The following NRXN3 variants were observed in gnomAD, a reference collection of about 807,000 sequenced individuals.
The protein encoded by NRXN3 is neurexin 3, also known as neurexin III.
Under a neutral mutation model 137.6 loss-of-function variants are expected in NRXN3, and 32 were observed. The ratio of observed to expected loss-of-function variants is 0.23; its 90% CI spans 0.18 to 0.31. The LOEUF is 0.31. NRXN3 is among the 10% of genes least tolerant of loss of function. The pLI, the probability that NRXN3 is intolerant of heterozygous loss-of-function variation, is 1.00. For missense variants in NRXN3, 1,574 were observed against 2,062.5 expected (o/e 0.76, Z 4.59); for synonymous variants, 798 against 784.5 (o/e 1.02, Z -0.29).
At chr14:79,082,369 A>G (rs2047205473) in intron 15 of NRXN3, among the ~76,000 whole-genome samples, 2 of 144,318 alleles carry the variant, frequency 1.4e-5, no homozygotes, top group Non-Finnish European at 3.0e-5. Flanking sequence ...GCATTTGCCA[A>G]ACTCCTGTGT....
chr14:79,517,580 A>C (rs1296755360), intron 16 of NRXN3, among the ~76,000 whole-genome samples: 1 of 152,112 alleles, frequency 6.6e-6, no homozygotes, highest in Non-Finnish European at 1.5e-5. Flanking sequence ...TTCTCTTAGC[A>C]CTACCATGTT....
At chr14:78,380,790 G>GTTTT (rs55664650) in intron 4 of NRXN3, among the ~76,000 whole-genome samples, 3 of 145,608 alleles carry the variant, frequency 2.1e-5, no homozygotes, top group South Asian at 4.4e-4. Flanking sequence ...ATCTTATCAA[G>GTTTT]TTTTTTTTTT....
intron 4 of NRXN3, among the ~76,000 whole-genome samples, chr14:78,488,786 GGGA>G (rs2095611775): frequency 6.6e-6 from 1 of 150,516 alleles, no homozygotes; most frequent in Non-Finnish European, 1.5e-5. Context: ...AAAGGGGAGG[GGGA>G]GGAGAAGGGA....
At chr14:79,640,230 G>A (rs1463411586) in intron 16 of NRXN3, among the ~76,000 whole-genome samples, 1 of 135,484 alleles carries the variant, frequency 7.4e-6, no homozygotes, top group African/African-American at 2.5e-5. Flanking sequence ...TGCTTTCAGT[G>A]ATAGCTTAGG....
intron 15 of NRXN3, among the ~76,000 whole-genome samples, chr14:79,337,762 C>T (rs1333899898): frequency 6.6e-6 from 1 of 152,136 alleles, no homozygotes; most frequent in Non-Finnish European, 1.5e-5. Context: ...ACTAGAGGAC[C>T]AAGCACTGTC....
At chr14:79,454,213 A>C (rs1472057073) in intron 15 of NRXN3, among the ~76,000 whole-genome samples, 5 of 152,010 alleles carry the variant, frequency 3.3e-5, no homozygotes, top group Non-Finnish European at 7.4e-5. Context: ...CCTTCCAAGA[A>C]GCTGGGACTA....
chr14:79,699,179 C>A (rs1378706033), intron 19 of NRXN3, among the ~76,000 whole-genome samples: 5 of 151,944 alleles, frequency 3.3e-5, no homozygotes, highest in Non-Finnish European at 5.9e-5. Context: ...CATACCTACA[C>A]ACATGCTCAC....
At chr14:78,423,732 C>T (rs11622679) in intron 4 of NRXN3, among the ~76,000 whole-genome samples, 42,132 of 152,102 alleles carry the variant, frequency 0.28, 7,386 homozygotes, top group Non-Finnish European at 0.37. Flanking sequence ...GAAAGTATTA[C>T]GTTGGTGCAA....
At chr14:78,601,834 A>T (rs1291639716) in intron 4 of NRXN3, among the ~76,000 whole-genome samples, 3 of 152,168 alleles carry the variant, frequency 2.0e-5, no homozygotes, top group Non-Finnish European at 4.4e-5. Flanking sequence ...AGTAAATACA[A>T]CTGGTAAAAA....
rs893316720 is a variant in NRXN3, at chr14:79,515,808, TTGGGGAAAACTA to T, written c.3444+48410_3444+48421del. 4.6e-5 allele frequency among the ~76,000 whole-genome samples: 7 copies of T among 152,280 alleles called. No individual in the cohort carries two copies. The East Asian group carries it at 1.4e-3, about 29-fold the overall frequency. ...AAGTGAGCAATTCTGCATTGATTCA[TTGGGGAAAACTA>T]TGGCAGGAAGTGGGTAGCAGTGTTT... On this transcript the variant is annotated intron_variant, in intron 16 of 20. Coordinates refer to ENST00000335750, the MANE Select transcript of NRXN3 (RefSeq NM_001330195.2).
At chr14:79,080,610 A>G (rs776502800) in intron 15 of NRXN3, among the ~76,000 whole-genome samples, 28 of 152,096 alleles carry the variant, frequency 1.8e-4, no homozygotes, top group Admixed American at 1.8e-3. Flanking sequence ...CTTTGTCGTT[A>G]TATGTTTCAG....
At chr14:78,601,629 T>G (rs1450598844) in intron 4 of NRXN3, among the ~76,000 whole-genome samples, 4 of 152,036 alleles carry the variant, frequency 2.6e-5, no homozygotes. Context: ...ATTTTTTGTA[T>G]ATTTTTAGTA....
intron 8 of NRXN3, among the ~76,000 whole-genome samples, chr14:78,740,543 TC>T (rs1308522106): frequency 1.9e-5 from 2 of 106,454 alleles, no homozygotes; most frequent in African/African-American, 2.5e-5. Flanking sequence ...TCTTTTCTTT[TC>T]TTTTTTTTTT....
chr14:78,351,195 G>A (rs1420928254), intron 4 of NRXN3, among the ~76,000 whole-genome samples: 1 of 152,092 alleles, frequency 6.6e-6, no homozygotes, highest in African/African-American at 2.4e-5. Flanking sequence ...TAGCTCTAGG[G>A]CATCTATTTT....
chr14:79,465,312 A>G (rs1600694707), intron 15 of NRXN3, among the ~76,000 whole-genome samples: 1 of 152,220 alleles, frequency 6.6e-6, no homozygotes, highest in Admixed American at 6.5e-5. Flanking sequence ...TTTTGCATAT[A>G]GAATTAATCA....
At chr14:78,513,162 A>G (rs1183468305) in intron 4 of NRXN3, among the ~76,000 whole-genome samples, 2 of 152,218 alleles carry the variant, frequency 1.3e-5, no homozygotes, top group East Asian at 1.9e-4. Context: ...CAGACTTTCC[A>G]GCTTCCAATT....
At chr14:78,409,311 C>G (rs1401840361) in intron 4 of NRXN3, among the ~76,000 whole-genome samples, 1 of 152,170 alleles carries the variant, frequency 6.6e-6, no homozygotes, top group African/African-American at 2.4e-5. Flanking sequence ...AGACTCTTAA[C>G]CCTGTTTTAC....
At chr14:79,068,875 G>C (rs2099683961) in intron 15 of NRXN3, among the ~76,000 whole-genome samples, 1 of 152,078 alleles carries the variant, frequency 6.6e-6, no homozygotes, top group South Asian at 2.1e-4. Flanking sequence ...TATTCAAGCT[G>C]GTGGGAGGTT....
At chr14:78,421,187 C>T (rs568243475) in intron 4 of NRXN3, among the ~76,000 whole-genome samples, 8 of 150,900 alleles carry the variant, frequency 5.3e-5, no homozygotes, top group East Asian at 3.9e-4. Flanking sequence ...CTCTTGAACC[C>T]GGGAGGCGGA....
Sources: gnomAD v4.1 joint callset for allele counts (sites outside exome capture counted in the v4.1 genomes callset) on GRCh38, gnomAD v4.1.1 for gene constraint, MANE v1.5 for transcripts, NCBI Gene and HGNC (gene_info 2026-07-23, HGNC 2026-07-21) for gene names.